GARRE1: variants seen among roughly 807,000 people sequenced by gnomAD.
GARRE1 encodes granule associated Rac and RHOG effector protein 1.
Under a neutral mutation model 103.2 loss-of-function variants are expected in GARRE1, and 49 were observed. That is an observed-to-expected ratio of 0.47 (90% CI 0.38 to 0.60). GARRE1 has a LOEUF of 0.60. Ranked by LOEUF, GARRE1 falls within the 20% of genes least tolerant of loss-of-function variation. The pLI is 0.00. For missense variants in GARRE1, 1,199 were observed against 1,370.5 expected (o/e 0.87, Z 1.98); for synonymous variants, 505 against 532.8 (o/e 0.95, Z 0.72).
intron 13 of GARRE1, among the ~76,000 whole-genome samples, chr19:34,352,123 G>A (rs898669361): frequency 2.0e-5 from 3 of 151,904 alleles, no homozygotes; most frequent in South Asian, 2.1e-4. Context: ...ACAATCAGCC[G>A]GGCGCAGTGG....
rs1481533998 is a variant in GARRE1 at position 34,321,590 on chromosome 19, A to G, written c.705+1474A>G. Among the ~76,000 whole-genome samples, 3 of 151,914 alleles carry G rather than the reference A, an allele frequency of 2.0e-5. No individual in the cohort carries two copies. In the East Asian group the frequency reaches 5.8e-4, roughly 29 times the overall value. Reference sequence around the variant, plus strand: ...TGCCTCAGCCTCCCAAGTAGCTGGGATTACAGGCGCCCGCCACCATGCCCG... The same window carrying G: ...TGCCTCAGCCTCCCAAGTAGCTGGGGTTACAGGCGCCCGCCACCATGCCCG... On this transcript the variant is annotated intron_variant, in intron 3 of 13. Coordinates refer to ENST00000299505, the MANE Select transcript of GARRE1 (RefSeq NM_014686.5).
chr19:34,329,562 G>A (rs190456117), intron 6 of GARRE1, among the ~76,000 whole-genome samples: 23 of 152,260 alleles, frequency 1.5e-4, no homozygotes, highest in African/African-American at 3.6e-4. Flanking sequence ...TGAGCCAGGC[G>A]TGGTGGCTCA....
intron 2 of GARRE1, among the ~76,000 whole-genome samples, chr19:34,307,734 ACT>A (rs2074015933): frequency 1.5e-5 from 2 of 134,130 alleles, no homozygotes; most frequent in South Asian, 2.2e-4. Flanking sequence ...ATACATATAT[ACT>A]TATATATACT....
At chr19:34,339,774 T>C (rs1332210015) in intron 8 of GARRE1, 93 bp from the exon 9 acceptor site, 4 of 1,488,774 alleles carry the variant, frequency 2.7e-6, no homozygotes, top group Non-Finnish European at 3.7e-6. Context: ...GCGCCAGAGG[T>C]ACATAAAAGT....
At chr19:34,277,889 A>T (rs2073826260) in intron 1 of GARRE1, among the ~76,000 whole-genome samples, 1 of 127,360 alleles carries the variant, frequency 7.9e-6, no homozygotes. Flanking sequence ...AGCAGGATAA[A>T]TGCTTGATTT....
chr19:34,260,315 G>A (rs2073708889), intron 1 of GARRE1, among the ~76,000 whole-genome samples: 1 of 149,510 alleles, frequency 6.7e-6, no homozygotes, highest in African/African-American at 2.4e-5. Context: ...ATACTTAACA[G>A]ACTACAATAT....
intron 1 of GARRE1, among the ~76,000 whole-genome samples, chr19:34,268,780 G>A (rs1397057507): frequency 6.6e-6 from 1 of 152,150 alleles, no homozygotes; most frequent in Non-Finnish European, 1.5e-5. Context: ...GGGCAACACA[G>A]TGAGACTCCG....
At chr19:34,256,678 C>T (rs905266813) in intron 1 of GARRE1, among the ~76,000 whole-genome samples, 1 of 151,918 alleles carries the variant, frequency 6.6e-6, no homozygotes, top group African/African-American at 2.4e-5. Context: ...TAAGCTTTAT[C>T]ATTTTATCAT....
intron 2 of GARRE1, among the ~76,000 whole-genome samples, chr19:34,303,386 C>G (rs1266046817): frequency 1.3e-5 from 2 of 152,192 alleles, no homozygotes; most frequent in Non-Finnish European, 2.9e-5. Flanking sequence ...AATAAGCTAA[C>G]TAACACTGCT....
intron 12 of GARRE1, among the ~76,000 whole-genome samples, 196 bp from the exon 13 acceptor site, chr19:34,351,318 C>T (rs1187646975): frequency 2.0e-5 from 3 of 152,210 alleles, no homozygotes; most frequent in African/African-American, 4.8e-5. Context: ...GCTCCTCCAC[C>T]TGCACTGGCA....
intron 8 of GARRE1, among the ~76,000 whole-genome samples, chr19:34,338,647 A>G (rs2074171546): frequency 6.6e-6 from 1 of 152,196 alleles, no homozygotes; most frequent in Admixed American, 6.5e-5. Context: ...AAATTCGGGC[A>G]AAGGCAGCAG....
chr19:34,315,070 A>G (rs1261711983), intron 2 of GARRE1, among the ~76,000 whole-genome samples: 1 of 152,238 alleles, frequency 6.6e-6, no homozygotes, highest in Admixed American at 6.5e-5. Context: ...ACAAGCACCC[A>G]TCTTGTACCT....
chr19:34,275,181 T>C (rs62122211), intron 1 of GARRE1, among the ~76,000 whole-genome samples: 5 of 150,300 alleles, frequency 3.3e-5, no homozygotes, highest in Non-Finnish European at 7.4e-5. Context: ...TTTTTTTTTT[T>C]CCTCAGAAGA....
chr19:34,351,359 C>G (rs935736748), intron 12 of GARRE1, among the ~76,000 whole-genome samples, 155 bp from the exon 13 acceptor site: 3 of 152,164 alleles, frequency 2.0e-5, no homozygotes, highest in African/African-American at 7.2e-5. Flanking sequence ...ACTGCTGGCT[C>G]CCCTTAGCCG....
intron 1 of GARRE1, among the ~76,000 whole-genome samples, chr19:34,259,537 A>G (rs934676232): frequency 7.2e-5 from 11 of 152,244 alleles, no homozygotes; most frequent in African/African-American, 2.7e-4. Flanking sequence ...ATAAAGTATT[A>G]TAAGTGCCTA....
chr19:34,302,437 C>T (rs962847196), intron 2 of GARRE1, among the ~76,000 whole-genome samples: 3 of 151,416 alleles, frequency 2.0e-5, no homozygotes, highest in East Asian at 3.9e-4. Context: ...GGATTACAGG[C>T]GCCCACCACC....
At chr19:34,302,846 G>A (rs190754365) in intron 2 of GARRE1, among the ~76,000 whole-genome samples, 1 of 149,736 alleles carries the variant, frequency 6.7e-6, no homozygotes, top group African/African-American at 2.5e-5. Flanking sequence ...CTGGGTTCTA[G>A]CAGTTCTCCT....
At chr19:34,325,254 C>T (rs1244435871) in intron 3 of GARRE1, among the ~76,000 whole-genome samples, 1 of 152,150 alleles carries the variant, frequency 6.6e-6, no homozygotes, top group Non-Finnish European at 1.5e-5. Context: ...GTTCTCCATC[C>T]AGTCTTGGGA....
chr19:34,350,727 G>A (rs1466767670), intron 12 of GARRE1, among the ~76,000 whole-genome samples: 5 of 151,878 alleles, frequency 3.3e-5, no homozygotes, highest in Non-Finnish European at 5.9e-5. Flanking sequence ...GACTACAGGC[G>A]CCCACCACCA....
Sources: allele counts gnomAD v4.1 joint callset (sites outside exome capture counted in the v4.1 genomes callset), GRCh38; gene constraint gnomAD v4.1.1; transcripts MANE v1.5; gene names NCBI Gene and HGNC (gene_info 2026-07-23, HGNC 2026-07-21).